The following DDX5 variants were observed in gnomAD, a reference collection of about 807,000 sequenced individuals.
The protein encoded by DDX5 is probable ATP-dependent RNA helicase DDX5.
DDX5 carries 6 observed loss-of-function variants against 68.6 expected under a neutral mutation model. The ratio of observed to expected loss-of-function variants is 0.09; its 90% CI spans 0.05 to 0.17. The LOEUF is 0.17. Ranked by LOEUF, DDX5 falls within the 10% of genes least tolerant of loss-of-function variation. The pLI is 1.00. For missense variants in DDX5, 499 were observed against 756.1 expected (o/e 0.66, Z 3.99); for synonymous variants, 350 against 247.0 (o/e 1.42, Z -3.91).
rs782774379 is a variant in DDX5 at position 64,502,973 on chromosome 17, G to A, written c.936C>T (p.Asn312=). 7 of 1,611,780 alleles carry A rather than the reference G, an allele frequency of 4.3e-6. No individual in the cohort carries two copies. The highest frequency in any genetic ancestry group is 1.6e-4 in the Middle Eastern group (1 of 6,082). Residue 312 remains asparagine (N), a synonymous_variant, in exon 8 of 13, where the codon AAC becomes AAT. Coordinates refer to ENST00000225792, the MANE Select transcript of DDX5 (RefSeq NM_004396.5). ...IGALELSANH[N]ILQIVDVCHD... ...GACACACATCCACAATCTGAAGAAT[G>A]TTGTGGTTTGCACTCAGTTCAAGTG...
In DDX5 at chr17:64,504,732, G is replaced by A; in HGVS notation, c.155C>T (p.Pro52Leu). Residue 52 changes from proline (P) to leucine (L), a missense_variant, in exon 2 of 13, where the codon CCT (proline) becomes CTT (leucine). Pro to Leu is a moderately conservative substitution (Grantham distance 98, BLOSUM62 -3). This residue lies in a region of DDX5 where 140 missense variants were observed against 135.7 expected (regional missense o/e 1.03). Transcript: ENST00000225792. Reference protein sequence around the residue: ...VKKKWNLDELPKFEKNFYQEH... With the variant: ...VKKKWNLDELLKFEKNFYQEH... Reference sequence around the variant, plus strand: ...TTGATAAAAATTCTTCTCAAATTTAGGCAGCTCATCAAGATTCCACTTCTT... The same window carrying A: ...TTGATAAAAATTCTTCTCAAATTTAAGCAGCTCATCAAGATTCCACTTCTT... 1 of 1,613,954 alleles carries A rather than the reference G, an allele frequency of 6.2e-7. No individual in the cohort carries two copies. Among genetic ancestry groups the A allele is most frequent in the South Asian group, 1.1e-5 (1 of 91,032 alleles).
intron 1 of DDX5, chr17:64,505,825 C>T: frequency 6.5e-7 from 1 of 1,536,176 alleles, no homozygotes; most frequent in African/African-American, 1.4e-5. Flanking sequence ...CCCTCAACAG[C>T]TACCAAATGG....
chr17:64,504,962 T>C, intron 1 of DDX5, 120 bp from the exon 2 acceptor site: 1 of 854,744 alleles, frequency 1.2e-6, no homozygotes, highest in Admixed American at 3.2e-5. Flanking sequence ...GAGGTAAACC[T>C]AGCACTGTCC....
At chr17:64,502,893 G>C (rs1479462617) in intron 8 of DDX5, 33 bp downstream of exon 8, 1 of 1,531,556 alleles carries the variant, frequency 6.5e-7, no homozygotes, top group East Asian at 2.3e-5. Context: ...AAAGTTGTTA[G>C]GAAGCAAATA....
rs10512502 is a variant in DDX5 at position 64,498,891 on chromosome 17, C to T, written c.*1032G>A. Reference sequence around the variant, plus strand: ...TTCACTGTGCTTTTGGTTACGTTGCCTCCTGATTAGTCATTAATTTTAATG... The same window carrying T: ...TTCACTGTGCTTTTGGTTACGTTGCTTCCTGATTAGTCATTAATTTTAATG... On this transcript the variant is annotated 3_prime_UTR_variant, in exon 13 of 13. Coordinates refer to ENST00000225792, the MANE Select transcript of DDX5 (RefSeq NM_004396.5). Among the ~76,000 whole-genome samples the T allele has an allele frequency of 0.064, 9,714 of 152,198 alleles. 435 individuals carry two copies. The highest frequency in any genetic ancestry group is 0.15 in the Admixed American group (2,278 of 15,282).
chr17:64,503,134 T>C, intron 7 of DDX5, 36 bp from the exon 8 acceptor site: 1 of 1,612,608 alleles, frequency 6.2e-7, no homozygotes, highest in Non-Finnish European at 8.5e-7. Context: ...AGTATCAGAC[T>C]CTTAAGAGTG....
chr17:64,506,517 C>T (rs547577509), upstream of DDX5: 224 of 733,700 alleles, frequency 3.1e-4, 4 homozygotes, highest in South Asian at 4.2e-3. Context: ...ACCTCACCTT[C>T]TTCTGGTCTT....
chr17:64,498,353 G>A lies in DDX5; in HGVS notation c.*1570C>T, dbSNP rs946306797. 3.9e-5 allele frequency among the ~76,000 whole-genome samples: 6 copies of A among 152,164 alleles called. No individual in the cohort carries two copies. The highest frequency in any genetic ancestry group is 8.8e-5 in the Non-Finnish European group (6 of 68,028). On this transcript the variant is annotated 3_prime_UTR_variant, in exon 13 of 13. Transcript: ENST00000225792. Reference sequence around the variant, plus strand: ...TCTTTTAAAACTTCCAAGGTAAATAGGTAAATGTTTTCCACAGCCCAACAA... The same window carrying A: ...TCTTTTAAAACTTCCAAGGTAAATAAGTAAATGTTTTCCACAGCCCAACAA...
chr17:64,503,909 A>T, intron 4 of DDX5, 41 bp from the exon 5 acceptor site: 1 of 1,613,784 alleles, frequency 6.2e-7, no homozygotes, highest in Non-Finnish European at 8.5e-7. Context: ...AATCACATTA[A>T]AATACTCGTT....
At position 64,505,438 on chromosome 17, in the gene DDX5, C is replaced by A. The variant is rs1008233585; in HGVS notation, c.45-596G>T. ...AAAGAAAAGGAGGAGCCGGCGACTA[C>A]CGGGGGAGGAGTCCCGGCCCGGGCG... On this transcript the variant is annotated intron_variant, in intron 1 of 12. Transcript: ENST00000225792. The A allele has an allele frequency of 8.7e-5, 48 of 553,406 alleles. No homozygotes were observed. In the East Asian group the frequency reaches 1.4e-3, roughly 16 times the overall value. The allele number at this position is 553,406 out of a possible 1,614,324, so 34.3% of individuals were successfully genotyped here. A position where few individuals can be genotyped will look rare whatever the true frequency, so the allele number is the denominator to read the frequency against.
chr17:64,506,761 T>TGCGCTGCTCGCACCCCGGGACC (rs2038551187), upstream of DDX5: 1 of 496,578 alleles, frequency 2.0e-6, no homozygotes, highest in Non-Finnish European at 3.6e-6. Context: ...TCACCGGAAG[T>TGCGCTGCTCGCACCCCGGGACC]GCGCTGCTCG....
Position 64,503,464 on chromosome 17 carries a change from A to C in DDX5, c.615T>G (p.Ala205=). ...RLKSTCIYGG[A]PKGPQIRDLE... Reference sequence around the variant, plus strand: ...AATCACGTATTTGTGGTCCCTTAGGAGCACCACCGTAGATACAAGTAGACT... The same window carrying C: ...AATCACGTATTTGTGGTCCCTTAGGCGCACCACCGTAGATACAAGTAGACT... Residue 205 remains alanine (A), a synonymous_variant, in exon 6 of 13, where the codon GCT becomes GCG. Coordinates refer to ENST00000225792, the MANE Select transcript of DDX5 (RefSeq NM_004396.5). 1 of 1,614,218 alleles carries C rather than the reference A, an allele frequency of 6.2e-7. No individual in the cohort carries two copies. Among genetic ancestry groups the C allele is most frequent in the Non-Finnish European group, 8.5e-7 (1 of 1,180,026 alleles).
chr17:64,506,032 A>AAACCCCCCC, intron 1 of DDX5, 44 bp downstream of exon 1: 3 of 442,496 alleles, frequency 6.8e-6, no homozygotes, highest in Non-Finnish European at 9.4e-6. Flanking sequence ...CCGCCCTCCC[A>AAACCCCCCC]TCCCCCCACC....
intron 5 of DDX5, 61 bp from the exon 6 acceptor site, chr17:64,503,632 A>AT: frequency 6.3e-7 from 1 of 1,595,698 alleles, no homozygotes; most frequent in Non-Finnish European, 8.5e-7. Flanking sequence ...CTGCTAACTT[A>AT]TTATACTAGC....
At chr17:64,505,789 T>G (rs782671694) in intron 1 of DDX5, 1 of 1,536,116 alleles carries the variant, frequency 6.5e-7, no homozygotes, top group South Asian at 1.2e-5. Flanking sequence ...CCCGCTTTCA[T>G]CCGCACAATA....
chr17:64,498,745 TCTAG>T lies in DDX5; in HGVS notation c.*1174_*1177del, dbSNP rs1555670284. The stretch of plus-strand genomic sequence containing the variant: ...CTCTGGGAAAACATTCAGACCCACT[TCTAG>T]CTATTACTGAAATAAATGATTAGAA... On this transcript the variant is annotated 3_prime_UTR_variant, in exon 13 of 13. Coordinates refer to ENST00000225792, the MANE Select transcript of DDX5 (RefSeq NM_004396.5). Among the ~76,000 whole-genome samples, 1 of 152,186 alleles carries T rather than the reference TCTAG, an allele frequency of 6.6e-6. No homozygotes were observed. The highest frequency in any genetic ancestry group is 6.5e-5 in the Admixed American group (1 of 15,280).
intron 8 of DDX5, 69 bp downstream of exon 8, chr17:64,502,857 A>C: frequency 2.1e-6 from 3 of 1,442,692 alleles, no homozygotes; most frequent in South Asian, 2.8e-5. Context: ...ACAACTCACC[A>C]AACAATGATC....
intron 1 of DDX5, chr17:64,505,711 C>T (rs1175438649): frequency 1.3e-6 from 2 of 1,533,322 alleles, no homozygotes; most frequent in Admixed American, 2.0e-5. Context: ...ACAGAATGCC[C>T]GGCCACCCCA....
chr17:64,504,374 AC>A, intron 2 of DDX5, 56 bp from the exon 3 acceptor site: 1 of 1,433,542 alleles, frequency 7.0e-7, no homozygotes, highest in Non-Finnish European at 9.8e-7. Flanking sequence ...CTAGCTAAAT[AC>A]GTAATTGATA....
Sources: allele counts gnomAD v4.1 joint callset (sites outside exome capture counted in the v4.1 genomes callset), GRCh38; gene constraint gnomAD v4.1.1; regional missense constraint gnomAD v4.1.1; transcripts MANE v1.5; gene names NCBI Gene and HGNC (gene_info 2026-07-23, HGNC 2026-07-21).